TBC1D19: variants seen among roughly 807,000 people sequenced by gnomAD.
TBC1D19 encodes the protein TBC1 domain family, member 19.
A neutral mutation model predicts 89.0 loss-of-function variants in TBC1D19; 60 were observed. The observed-to-expected ratio is 0.67, with a 90% CI of 0.55 to 0.84. The LOEUF (loss-of-function observed/expected upper bound fraction) is 0.84. Ranked by LOEUF, TBC1D19 falls within the 40% of genes least tolerant of loss-of-function variation. The pLI, the probability that TBC1D19 is intolerant of heterozygous loss-of-function variation, is 0.00. For synonymous variants in TBC1D19, 189 were observed against 199.7 expected, an observed-to-expected ratio of 0.95 and a Z score of 0.45; for missense variants, 500 against 610.8, an observed-to-expected ratio of 0.82 and a Z score of 1.91.
At chr4:26,643,099 T>C (rs1743661664) in intron 7 of TBC1D19, among the ~76,000 whole-genome samples, 1 of 152,084 alleles carries the variant, frequency 6.6e-6, no homozygotes, top group Non-Finnish European at 1.5e-5. Context: ...TACAGAACCC[T>C]CCACCCCAAA....
At chr4:26,733,418 T>C (rs950564311) in intron 15 of TBC1D19, among the ~76,000 whole-genome samples, 1 of 151,798 alleles carries the variant, frequency 6.6e-6, no homozygotes, top group Non-Finnish European at 1.5e-5. Flanking sequence ...GATTTACAGA[T>C]GAGGAAGCTA....
At chr4:26,767,481 C>T in the TBC1D19 span, among the ~76,000 whole-genome samples, 2 of 152,106 alleles carry the variant, frequency 1.3e-5, no homozygotes, top group African/African-American at 4.8e-5. Context: ...GTATAGAAAG[C>T]AGGGCCTTTG....
chr4:26,724,099 T>A (rs1560497987), intron 15 of TBC1D19, among the ~76,000 whole-genome samples: 1 of 152,158 alleles, frequency 6.6e-6, no homozygotes, highest in African/African-American at 2.4e-5. Flanking sequence ...ACACAGCATG[T>A]CTGAAGGCAG....
the TBC1D19 span, among the ~76,000 whole-genome samples, chr4:26,807,521 G>A: frequency 6.6e-6 from 1 of 152,028 alleles, no homozygotes; most frequent in Admixed American, 6.5e-5. Context: ...TTTTCCCAAG[G>A]GGCTCATTTG....
chr4:26,630,660 G>A (rs1742751302), intron 4 of TBC1D19, among the ~76,000 whole-genome samples: 1 of 151,888 alleles, frequency 6.6e-6, no homozygotes, highest in Admixed American at 6.6e-5. Context: ...TTTTGCTCCA[G>A]GACTTCTGGA....
chr4:26,599,495 C>T (rs1740452270), intron 1 of TBC1D19, among the ~76,000 whole-genome samples: 1 of 152,152 alleles, frequency 6.6e-6, no homozygotes. Context: ...TTCCCCACCC[C>T]CCACCATTAG....
At chr4:26,646,915 C>T (rs1429552958) in intron 7 of TBC1D19, among the ~76,000 whole-genome samples, 1 of 152,072 alleles carries the variant, frequency 6.6e-6, no homozygotes, top group Non-Finnish European at 1.5e-5. Context: ...TACCCTAGAA[C>T]TTAAAGTATA....
intron 18 of TBC1D19, among the ~76,000 whole-genome samples, chr4:26,743,750 G>T (rs1718499415): frequency 6.6e-6 from 1 of 151,728 alleles, no homozygotes; most frequent in Non-Finnish European, 1.5e-5. Flanking sequence ...TCATGATTCA[G>T]AAATATTTTA....
the TBC1D19 span, among the ~76,000 whole-genome samples, chr4:26,825,973 G>A: frequency 5.3e-5 from 8 of 152,124 alleles, no homozygotes; most frequent in Non-Finnish European, 7.4e-5. Context: ...AGGCTTAGGC[G>A]GGCGAATCAT....
At chr4:26,852,929 A>G in the TBC1D19 span, among the ~76,000 whole-genome samples, 1 of 152,286 alleles carries the variant, frequency 6.6e-6, no homozygotes, top group African/African-American at 2.4e-5. Context: ...GGATTCTACC[A>G]CTTTTAACCA....
At chr4:26,841,585 G>A in the TBC1D19 span, among the ~76,000 whole-genome samples, 4 of 152,102 alleles carry the variant, frequency 2.6e-5, no homozygotes, top group Admixed American at 6.6e-5. Context: ...TGGTGCATGC[G>A]AGCTGGTGAG....
intron 11 of TBC1D19, among the ~76,000 whole-genome samples, chr4:26,676,338 G>A (rs1246806003): frequency 6.6e-6 from 1 of 152,136 alleles, no homozygotes. Flanking sequence ...GTCATCATTA[G>A]AAATTCATTC....
chr4:26,663,376 A>G (rs1000145677), intron 8 of TBC1D19, among the ~76,000 whole-genome samples: 1 of 152,208 alleles, frequency 6.6e-6, no homozygotes, highest in Non-Finnish European at 1.5e-5. Context: ...TGCATGAGCT[A>G]AAATCCTCAT....
Position 26,659,712 on chromosome 4 carries a change from G to T in TBC1D19, c.591+5G>T. 6.6e-7 allele frequency: 1 copy of T among 1,523,856 alleles called. No homozygotes were observed. The highest frequency in any genetic ancestry group is 9.0e-7 in the Non-Finnish European group (1 of 1,116,872). The allele number at this position is 1,523,856 out of a possible 1,614,324, so 94.4% of individuals were successfully genotyped here. A position where few individuals can be genotyped will look rare whatever the true frequency, so the allele number is the denominator to read the frequency against. ...GTAAAAGACATCCCTGAATTGGTAA[G>T]TATAGAAACTTAAAAATAAACATCA... On this transcript the variant is annotated splice_donor_5th_base_variant and intron_variant, in intron 8 of 20. Transcript: ENST00000264866.
chr4:26,843,647 A>G, the TBC1D19 span, among the ~76,000 whole-genome samples: 1 of 152,164 alleles, frequency 6.6e-6, no homozygotes, highest in East Asian at 1.9e-4. Flanking sequence ...ATCTTGGTAA[A>G]GTCAAGACAG....
chr4:26,679,292 C>T (rs982158436), intron 11 of TBC1D19, among the ~76,000 whole-genome samples: 2 of 152,124 alleles, frequency 1.3e-5, no homozygotes, highest in Admixed American at 6.5e-5. Context: ...CCCTGTGTCC[C>T]ATGCTTCAGC....
At chr4:26,819,571 T>C in the TBC1D19 span, among the ~76,000 whole-genome samples, 1 of 152,236 alleles carries the variant, frequency 6.6e-6, no homozygotes, top group South Asian at 2.1e-4. Context: ...GTCATCATCA[T>C]GGCAAAAGCT....
chr4:26,589,903 C>T (rs759493910), intron 1 of TBC1D19, among the ~76,000 whole-genome samples: 12 of 152,272 alleles, frequency 7.9e-5, no homozygotes, highest in Admixed American at 2.6e-4. Flanking sequence ...CAGCCTATCT[C>T]GTTTTGCACA....
At chr4:26,797,476 A>G in the TBC1D19 span, among the ~76,000 whole-genome samples, 1 of 152,356 alleles carries the variant, frequency 6.6e-6, no homozygotes, top group Non-Finnish European at 1.5e-5. Flanking sequence ...GCCCAAGGCA[A>G]TCTACAGATT....
Sources: allele counts gnomAD v4.1 joint callset (sites outside exome capture counted in the v4.1 genomes callset), GRCh38; gene constraint gnomAD v4.1.1; transcripts MANE v1.5; gene names NCBI Gene and HGNC (gene_info 2026-07-23, HGNC 2026-07-21).